Variants in KIAA1586 observed in about 807,000 individuals in gnomAD.
KIAA1586 encodes the protein KIAA1586, also known as E3 SUMO-protein ligase KIAA1586.
In KIAA1586, 5 loss-of-function variants were observed where a neutral mutation model predicts 6.1. The ratio of observed to expected loss-of-function variants is 0.82; its 90% confidence interval spans 0.43 to 1.73. The LOEUF is 1.73. Among genes scored for constraint, KIAA1586 ranks in the 40% most tolerant of loss-of-function variants. The pLI is 0.02. For synonymous variants in KIAA1586, 280 were observed against 301.7 expected (o/e 0.93, Z 0.75); for missense variants, 899 against 878.2 (o/e 1.02, Z -0.30).
At chr6:57,059,589 A>AG (rs1491501435), downstream of KIAA1586, among the ~76,000 whole-genome samples, 8 of 50 alleles carry the variant, frequency 0.16, no homozygotes, top group Non-Finnish European at 0.29. Context: ...ACTCTGTCTG[A>AG]AAAAAAAAAA....
the KIAA1586 span, among the ~76,000 whole-genome samples, chr6:57,062,039 C>G: frequency 1.3e-5 from 2 of 151,812 alleles, no homozygotes; most frequent in African/African-American, 4.8e-5. Context: ...TCAAGAGATC[C>G]TTCCACCTCA....
Position 57,053,619 on chromosome 6 carries a change from G to C in KIAA1586, c.1120G>C (p.Gly374Arg), listed in dbSNP as rs1335847946. 2 of 1,610,668 alleles carry C rather than the reference G, an allele frequency of 1.2e-6. No homozygotes were observed. Among genetic ancestry groups the C allele is most frequent in the Non-Finnish European group, 8.5e-7 (1 of 1,177,748 alleles). Residue 374 changes from glycine (G) to arginine (R), a missense_variant, in exon 4 of 4, where the codon GGT (glycine) becomes CGT (arginine). By Grantham distance (125) the Gly-to-Arg change is moderately radical (BLOSUM62 -2). Transcript: ENST00000370733. ...NTLLTTLNDCGFTNEYLKANL... is the reference protein window; with the variant it reads ...NTLLTTLNDCRFTNEYLKANL... ...ATTATTGACTACTTTAAATGATTGT[G>C]GTTTTACAAATGAATATTTGAAAGC...
chr6:57,048,819 G>C (rs978182499), intron 2 of KIAA1586, among the ~76,000 whole-genome samples: 1 of 152,130 alleles, frequency 6.6e-6, no homozygotes, highest in Non-Finnish European at 1.5e-5. Context: ...ACATACGTCT[G>C]ATTCATGATC....
the KIAA1586 span, among the ~76,000 whole-genome samples, chr6:57,065,653 A>G: frequency 1.8e-4 from 28 of 152,040 alleles, no homozygotes; most frequent in African/African-American, 6.8e-4. Context: ...CACCTGGCTA[A>G]CATTTTATTT....
rs780123680 is a variant in KIAA1586, at chr6:57,052,668, T to C, written c.187-18T>C. The C allele has an allele frequency of 2.0e-5, 30 of 1,520,382 alleles. No individual in the cohort carries two copies. The highest frequency in any genetic ancestry group is 2.6e-5 in the Non-Finnish European group (30 of 1,134,454). 94.2% of individuals were successfully genotyped at this position (1,520,382 alleles called of 1,614,324 possible). ...AAGTGTTATGAATTTTACTTACATA[T>C]GTAAAATTATTTTTCAGATTCTGTT... On this transcript the variant is annotated intron_variant, in intron 3 of 3. Transcript: ENST00000370733.
At chr6:57,063,446 A>ATT in the KIAA1586 span, among the ~76,000 whole-genome samples, 1 of 89,104 alleles carries the variant, frequency 1.1e-5, no homozygotes, top group Admixed American at 1.5e-4. Context: ...AGATTATGTT[A>ATT]TTTCTTTTTT....
intron 3 of KIAA1586, 127 bp from the exon 4 acceptor site, chr6:57,052,559 C>T (rs1476244125): frequency 3.0e-6 from 2 of 666,246 alleles, no homozygotes; most frequent in Admixed American, 3.7e-5. Flanking sequence ...TAGATATAAA[C>T]TGAAAATCAG....
In KIAA1586 at chr6:57,052,785, A is replaced by C. The variant is rs749411448; in HGVS notation, c.286A>C (p.Asn96His). The C allele has an allele frequency of 1.9e-6, 3 of 1,612,872 alleles. No individual in the cohort carries two copies. Among genetic ancestry groups the C allele is most frequent in the South Asian group, 1.1e-5 (1 of 90,768 alleles). The change falls in exon 4 of 4, where the codon AAT (asparagine) becomes CAT (histidine). Residue 96 changes from asparagine to histidine, a missense_variant. Asn to His is a moderately conservative substitution (Grantham distance 68). Transcript: ENST00000370733. ...TDTENNEVSK[N>H]HCRLSKAKEP... Reference sequence around the variant, plus strand: ...CACAGAAAATAATGAAGTGAGCAAAAATCACTGCAGATTGTCTAAGGCAAA... The same window carrying C: ...CACAGAAAATAATGAAGTGAGCAAACATCACTGCAGATTGTCTAAGGCAAA...
chr6:57,055,062 G>A lies in KIAA1586; in HGVS notation c.*199G>A. On this transcript the variant is annotated 3_prime_UTR_variant, in exon 4 of 4. Transcript: ENST00000370733. ...TAGAGATTGGCCCATGTTTGCTAGA[G>A]TGGGTCATAATACATATTCCATGAA... 1 of 522,626 alleles carries A rather than the reference G, an allele frequency of 1.9e-6. No homozygotes were observed. Among genetic ancestry groups the A allele is most frequent in the South Asian group, 2.9e-5 (1 of 33,900 alleles). The allele number at this position is 522,626 out of a possible 1,614,324, so 32.4% of individuals were successfully genotyped here. A position where few individuals can be genotyped will look rare whatever the true frequency, so the allele number is the denominator to read the frequency against.
rs1160934923 is a variant in KIAA1586 at position 57,054,426 on chromosome 6, G to T, written c.1927G>T (p.Glu643Ter). Residue 643 changes from glutamate (E) to a stop codon, truncating the protein, a stop_gained, in exon 4 of 4, where the codon GAA becomes TAA. Transcript: ENST00000370733. LOFTEE classifies it low-confidence loss of function (END_TRUNC). Reference sequence around the variant, plus strand: ...GGAACCTTCCACATGGCCTTATGAAGAAATAACTTCACCATGGATAGCTGG... The same window carrying T: ...GGAACCTTCCACATGGCCTTATGAATAAATAACTTCACCATGGATAGCTGG... ...LLEPSTWPYE[E>*]ITSPWIAGEK... is the part of the protein sequence containing the mutation. The T allele has an allele frequency of 1.2e-6, 2 of 1,609,274 alleles. No individual in the cohort carries two copies. The highest frequency in any genetic ancestry group is 2.7e-5 in the African/African-American group (2 of 74,598).
rs754923873 is a variant in KIAA1586 at position 57,054,555 on chromosome 6, A to G, written c.2056A>G (p.Ile686Val). The G allele has an allele frequency of 1.2e-6, 2 of 1,604,706 alleles. No homozygotes were observed. Among genetic ancestry groups the G allele is most frequent in the Non-Finnish European group, 1.7e-6 (2 of 1,175,190 alleles). ...NNNIKSNNVS[I>V]PTTIYKAKKI... ...TAATATAAAATCAAACAATGTTTCA[A>G]TTCCTACAACTATATACAAAGCTAA... Residue 686 changes from isoleucine (I) to valine (V), a missense_variant, in exon 4 of 4, where the codon ATT (isoleucine) becomes GTT (valine). Ile to Val is a conservative substitution (Grantham distance 29). Coordinates refer to ENST00000370733, the MANE Select transcript of KIAA1586 (RefSeq NM_020931.4).
intron 2 of KIAA1586, among the ~76,000 whole-genome samples, chr6:57,048,136 A>G: frequency 6.6e-6 from 1 of 151,190 alleles, no homozygotes; most frequent in East Asian, 1.9e-4. Context: ...TTTTGGGGTG[A>G]TTTTCATCCA....
downstream of KIAA1586, among the ~76,000 whole-genome samples, chr6:57,057,747 A>C (rs536617506): frequency 6.9e-6 from 1 of 145,708 alleles, no homozygotes; most frequent in Non-Finnish European, 1.5e-5. Context: ...GCAAGACTCC[A>C]AGTCAAAAAA....
chr6:57,062,461 A>T, the KIAA1586 span, among the ~76,000 whole-genome samples: 3 of 152,192 alleles, frequency 2.0e-5, no homozygotes, highest in Non-Finnish European at 4.4e-5. Context: ...TCCTATTAAG[A>T]GTCACATCTG....
intron 2 of KIAA1586, 25 bp from the exon 3 acceptor site, chr6:57,050,749 G>T (rs369211785): frequency 1.3e-6 from 2 of 1,523,454 alleles, no homozygotes; most frequent in Non-Finnish European, 1.8e-6. Context: ...TTCATGACTT[G>T]TAAATTTGCC....
the KIAA1586 span, among the ~76,000 whole-genome samples, chr6:57,062,622 C>G: frequency 4.3e-4 from 65 of 152,264 alleles, no homozygotes; most frequent in African/African-American, 1.5e-3. Context: ...TCAAAGTACA[C>G]AAATATATCC....
Position 57,054,063 on chromosome 6 carries a change from T to G in KIAA1586, c.1564T>G (p.Phe522Val), listed in dbSNP as rs760946035. The G allele has an allele frequency of 6.2e-7, 1 of 1,611,024 alleles. No homozygotes were observed. The highest frequency in any genetic ancestry group is 8.5e-7 in the Non-Finnish European group (1 of 1,178,224). The change falls in exon 4 of 4, where the codon TTC (phenylalanine) becomes GTC (valine). Residue 522 changes from phenylalanine to valine, a missense_variant. Coordinates refer to ENST00000370733, the MANE Select transcript of KIAA1586 (RefSeq NM_020931.4). Reference sequence around the variant, plus strand: ...GGCGAAGAGATTAGCTAACATTAATTTCTTACAAGACCTTGCTTTAATGAT... The same window carrying G: ...GGCGAAGAGATTAGCTAACATTAATGTCTTACAAGACCTTGCTTTAATGAT... ...GLAKRLANINFLQDLALMIDI... is the reference protein window; with the variant it reads ...GLAKRLANINVLQDLALMIDI...
chr6:57,050,848 T>C lies in KIAA1586; in HGVS notation c.180T>C (p.Tyr60=), dbSNP rs753877856. Residue 60 remains tyrosine, a synonymous_variant, in exon 3 of 4, where the codon TAT becomes TAC. Transcript: ENST00000370733. ...CGDDENPSAY[Y]SDILFPKMPK... Reference sequence around the variant, plus strand: ...ATGATGAAAACCCTAGCGCCTATTATAGTGATGTAAGCACATTATATTTGT... The same window carrying C: ...ATGATGAAAACCCTAGCGCCTATTACAGTGATGTAAGCACATTATATTTGT... 5.0e-6 allele frequency: 8 copies of C among 1,604,220 alleles called. No homozygotes were observed. Among genetic ancestry groups the C allele is most frequent in the Non-Finnish European group, 6.8e-6 (8 of 1,170,998 alleles).
chr6:57,053,383 T>C lies in KIAA1586; in HGVS notation c.884T>C (p.Ile295Thr), dbSNP rs1351835794. 3.7e-6 allele frequency: 6 copies of C among 1,609,420 alleles called. No individual in the cohort carries two copies. The highest frequency in any genetic ancestry group is 5.1e-6 in the Non-Finnish European group (6 of 1,178,194). ...RYSATRIAEH[I>T]AKEMKMKIFK... ...AGTGCAACAAGAATAGCAGAACATA[T>C]TGCAAAAGAAATGAAGATGAAGATA... The change falls in exon 4 of 4, where the codon ATT becomes ACT. Residue 295 changes from isoleucine to threonine, a missense_variant. Transcript: ENST00000370733.
Sources: allele counts gnomAD v4.1 joint callset (sites outside exome capture counted in the v4.1 genomes callset), GRCh38; gene constraint gnomAD v4.1.1; transcripts MANE v1.5; gene names NCBI Gene and HGNC (gene_info 2026-07-23, HGNC 2026-07-21).